The following CFH variants were observed in gnomAD, a reference collection of about 807,000 sequenced individuals.
CFH encodes H factor 1 (complement).
Under a neutral mutation model 147.3 loss-of-function variants are expected in CFH, and 53 were observed. The ratio of observed to expected loss-of-function variants is 0.36; its 90% CI spans 0.29 to 0.45. CFH has a LOEUF of 0.45. Among genes scored for constraint, CFH ranks in the 20% least tolerant of loss-of-function variants. CFH has a pLI of 1.00. For missense variants in CFH, 1,380 were observed against 1,498.0 expected, an observed-to-expected ratio of 0.92 and a Z score of 1.30; for synonymous variants, 536 against 489.4, an observed-to-expected ratio of 1.10 and a Z score of -1.26.
intron 20 of CFH, among the ~76,000 whole-genome samples, chr1:196,744,899 G>C (rs1051369118): frequency 3.3e-5 from 5 of 151,852 alleles, no homozygotes; most frequent in African/African-American, 1.2e-4. Flanking sequence ...AATTCCCTTG[G>C]TATCCCTTTC....
chr1:196,654,400 T>C (rs996660673), intron 1 of CFH, among the ~76,000 whole-genome samples: 12 of 152,138 alleles, frequency 7.9e-5, no homozygotes, highest in Non-Finnish European at 1.8e-4. Flanking sequence ...TTGTCTACAA[T>C]AACATTTCCA....
rs529396376 is a variant in CFH, at chr1:196,746,283, A to G, written c.3493+284A>G. Among the ~76,000 whole-genome samples the G allele has an allele frequency of 6.6e-5, 10 of 152,186 alleles. 2 individuals carry two copies. The highest frequency in any genetic ancestry group is 2.2e-4 in the African/African-American group (9 of 41,528). The stretch of plus-strand genomic sequence containing the variant: ...AACACGGTGAAACCCCGTCTCTACT[A>G]AAAATACAAAATAATAATAATAACC... On this transcript the variant is annotated intron_variant, in intron 21 of 21. Coordinates refer to ENST00000367429, the MANE Select transcript of CFH (RefSeq NM_000186.4).
At chr1:196,731,282 AT>A (rs1221791883) in intron 15 of CFH, among the ~76,000 whole-genome samples, 1 of 151,890 alleles carries the variant, frequency 6.6e-6, no homozygotes, top group Non-Finnish European at 1.5e-5. Flanking sequence ...AGCATACCTT[AT>A]AAAAGGCTAT....
chr1:196,694,744 C>T (rs1668192203), intron 9 of CFH, among the ~76,000 whole-genome samples: 1 of 152,212 alleles, frequency 6.6e-6, no homozygotes, highest in African/African-American at 2.4e-5. Flanking sequence ...TTGCATTTCT[C>T]TAATGACCAG....
intron 11 of CFH, among the ~76,000 whole-genome samples, chr1:196,722,559 A>G (rs1455156675): frequency 6.6e-6 from 1 of 152,102 alleles, no homozygotes; most frequent in African/African-American, 2.4e-5. Context: ...TGATGACTAT[A>G]TGTTTGTAGA....
chr1:196,701,550 T>G, intron 9 of CFH: 1 of 597,870 alleles, frequency 1.7e-6, no homozygotes, highest in Non-Finnish European at 2.9e-6. Flanking sequence ...ATTATTAAAC[T>G]CTTTCTCTGC....
intron 9 of CFH, 189 bp downstream of exon 9, chr1:196,690,428 T>C: frequency 1.3e-6 from 1 of 762,476 alleles, no homozygotes; most frequent in Non-Finnish European, 2.3e-6. Context: ...AAGTACATAG[T>C]AAAATAAATT....
chr1:196,700,851 C>A (rs985080651), intron 9 of CFH: 1 of 985,128 alleles, frequency 1.0e-6, no homozygotes, highest in Non-Finnish European at 1.2e-6. Flanking sequence ...CAGCACACAA[C>A]CTTGTCTGCA....
chr1:196,746,113 C>T, intron 21 of CFH, 114 bp downstream of exon 21: 2 of 1,560,784 alleles, frequency 1.3e-6, no homozygotes, highest in Admixed American at 1.7e-5. Context: ...TGAATGCTTG[C>T]CTACCAAATA....
At chr1:196,744,791 T>C (rs1652943699) in intron 20 of CFH, among the ~76,000 whole-genome samples, 1 of 152,164 alleles carries the variant, frequency 6.6e-6, no homozygotes, top group South Asian at 2.1e-4. Flanking sequence ...TTTCTATTTT[T>C]TCAGGATCCT....
intron 9 of CFH, among the ~76,000 whole-genome samples, chr1:196,703,364 A>C (rs973891831): frequency 6.6e-6 from 1 of 152,332 alleles, no homozygotes. Context: ...GATGTTAAAC[A>C]GTCAGCCTTC....
intron 9 of CFH, among the ~76,000 whole-genome samples, chr1:196,702,193 C>G (rs994258216): frequency 2.6e-5 from 4 of 152,170 alleles, no homozygotes; most frequent in South Asian, 4.1e-4. Flanking sequence ...AGCAGCACTA[C>G]TGGCGCCTCT....
At position 196,726,666 on chromosome 1, in the gene CFH, T is replaced by C. The variant is rs893430242; in HGVS notation, c.2056+14T>C. The C allele has an allele frequency of 6.2e-7, 1 of 1,605,886 alleles. No individual in the cohort carries two copies. The highest frequency in any genetic ancestry group is 1.3e-5 in the African/African-American group (1 of 74,660). On this transcript the variant is annotated intron_variant, in intron 13 of 21. Coordinates refer to ENST00000367429, the MANE Select transcript of CFH (RefSeq NM_000186.4). ...CAGTGTGTATTGGTAATGTATAAAA[T>C]ATTAATATTTAAACTTGTCAAAACT...
intron 4 of CFH, among the ~76,000 whole-genome samples, chr1:196,676,567 A>C (rs1277105252): frequency 2.6e-5 from 4 of 152,134 alleles, no homozygotes; most frequent in African/African-American, 9.6e-5. Flanking sequence ...TCTGTAAAGC[A>C]AACAGTGAAA....
chr1:196,693,531 A>G (rs1668138894), intron 9 of CFH, among the ~76,000 whole-genome samples: 1 of 152,118 alleles, frequency 6.6e-6, no homozygotes, highest in Non-Finnish European at 1.5e-5. Context: ...TCCACCTGAT[A>G]ACTTGGAATA....
Position 196,676,074 on chromosome 1 carries a change from A to C in CFH, c.427+9A>C. On this transcript the variant is annotated intron_variant, in intron 4 of 21. Transcript: ENST00000367429. The stretch of plus-strand genomic sequence containing the variant: ...TATTCCTATATGTGAAGGTAGACAT[A>C]AAATGTATTTACAAGTATATTGAAA... 1 of 1,534,710 alleles carries C rather than the reference A, an allele frequency of 6.5e-7. No individual in the cohort carries two copies.
chr1:196,654,728 G>T (rs1228021975), intron 1 of CFH, among the ~76,000 whole-genome samples: 1 of 150,646 alleles, frequency 6.6e-6, no homozygotes, highest in Non-Finnish European at 1.5e-5. Context: ...TGGCTGTGTT[G>T]TTTGGGAGAC....
chr1:196,713,508 T>A (rs1306708437), intron 9 of CFH, among the ~76,000 whole-genome samples: 1 of 152,176 alleles, frequency 6.6e-6, no homozygotes, highest in Non-Finnish European at 1.5e-5. Flanking sequence ...GAAATAATTG[T>A]AAGTGTCTTA....
In CFH at chr1:196,666,613, A is replaced by G. The variant is rs537570554; in HGVS notation, c.59-6365A>G. 1.4e-4 allele frequency among the ~76,000 whole-genome samples: 21 copies of G among 151,010 alleles called. 1 individual carries two copies. The South Asian group carries it at 1.9e-3, about 14-fold the overall frequency. ...GGAGATTGAGACCATCCTGGCTAAC[A>G]CGGTGAAACACCGTTTCTACTAAAA... On this transcript the variant is annotated intron_variant, in intron 1 of 21. Transcript: ENST00000367429.
Sources: allele counts gnomAD v4.1 joint callset (sites outside exome capture counted in the v4.1 genomes callset), GRCh38; gene constraint gnomAD v4.1.1; transcripts MANE v1.5; gene names NCBI Gene and HGNC (gene_info 2026-07-23, HGNC 2026-07-21).